The following MDN1 variants were observed in gnomAD, a reference collection of about 807,000 sequenced individuals.
The protein encoded by MDN1 is midasin AAA ATPase 1, also known as midasin.
MDN1 carries 266 observed loss-of-function variants against 669.2 expected under a neutral mutation model. The observed-to-expected ratio is 0.40, with a 90% CI of 0.36 to 0.44. MDN1 has a LOEUF of 0.44. MDN1 is among the 20% of genes least tolerant of loss of function. MDN1 has a pLI of 1.00. For missense variants in MDN1, 5,940 were observed against 6,754.0 expected, an observed-to-expected ratio of 0.88 and a Z score of 4.22; for synonymous variants, 2,385 against 2,457.1, an observed-to-expected ratio of 0.97 and a Z score of 0.87.
chr6:89,701,119 C>G (rs1473324943), intron 55 of MDN1, among the ~76,000 whole-genome samples: 1 of 152,196 alleles, frequency 6.6e-6, no homozygotes, highest in Non-Finnish European at 1.5e-5. Flanking sequence ...AGCCTGCCCT[C>G]TTGTTATGTG....
At chr6:89,678,799 T>G (rs1811412510) in intron 74 of MDN1, 54 bp from the exon 75 acceptor site, 13 of 1,559,886 alleles carry the variant, frequency 8.3e-6, no homozygotes, top group Non-Finnish European at 1.1e-5. Flanking sequence ...CCCAGGGGTC[T>G]GGTAATGTGT....
intron 44 of MDN1, 32 bp from the exon 45 acceptor site, chr6:89,715,801 C>T (rs776613864): frequency 7.2e-7 from 1 of 1,390,682 alleles, no homozygotes; most frequent in Non-Finnish European, 1.0e-6. Flanking sequence ...GGTGGATAGG[C>T]TGACATGCTG....
At chr6:89,810,445 A>C (rs1404520104) in intron 1 of MDN1, among the ~76,000 whole-genome samples, 1 of 152,130 alleles carries the variant, frequency 6.6e-6, no homozygotes, top group Non-Finnish European at 1.5e-5. Flanking sequence ...CAAAAACACA[A>C]AACAAAACAA....
chr6:89,758,722 A>G, intron 18 of MDN1, 94 bp downstream of exon 18: 2 of 1,350,594 alleles, frequency 1.5e-6, no homozygotes, highest in Non-Finnish European at 2.1e-6. Context: ...TGGGAGGCCC[A>G]TGTCATCCTT....
At position 89,692,773 on chromosome 6, in the gene MDN1, G is replaced by A; in HGVS notation, c.10257C>T (p.His3419=). ...HGMRLVASEL[H]TSLHSSMVGA... is the part of the protein sequence containing the mutation. ...CAACCATACTGCTGTGGAGTGAGGT[G>A]TGGAGCTCAGAGGCCACCAGCCTCA... Residue 3419 remains histidine, a synonymous_variant, in exon 63 of 102, where the codon CAC becomes CAT. Coordinates refer to ENST00000369393, the MANE Select transcript of MDN1 (RefSeq NM_014611.3). 6.2e-7 allele frequency: 1 copy of A among 1,614,104 alleles called. No individual in the cohort carries two copies. The highest frequency in any genetic ancestry group is 8.5e-7 in the Non-Finnish European group (1 of 1,179,962).
Position 89,686,936 on chromosome 6 carries a change from C to T in MDN1, c.11538G>A (p.Glu3846=). 1.9e-6 allele frequency: 3 copies of T among 1,613,776 alleles called. No homozygotes were observed. In the African/African-American group the frequency reaches 4.0e-5, roughly 22 times the overall value. ...KHWFSIYQML[E]KHMQEQTEEQ... is the part of the protein sequence containing the mutation. ...CTTCTGTTTGTTCCTGCATGTGCTTCTCAAGCATCTGATAGATGGAGAACC... is the reference window on the plus strand; with the variant it reads ...CTTCTGTTTGTTCCTGCATGTGCTTTTCAAGCATCTGATAGATGGAGAACC... Residue 3846 remains glutamate, a synonymous_variant, in exon 69 of 102, where the codon GAG becomes GAA. Coordinates refer to ENST00000369393, the MANE Select transcript of MDN1 (RefSeq NM_014611.3).
intron 57 of MDN1, 63 bp downstream of exon 57, chr6:89,700,000 G>T: frequency 6.9e-7 from 1 of 1,442,910 alleles, no homozygotes; most frequent in Non-Finnish European, 9.7e-7. Context: ...TATGGGTATA[G>T]GATACACAGA....
Position 89,819,749 on chromosome 6 carries a change from G to T in MDN1, c.-142C>A, listed in dbSNP as rs927361863. 1 of 662,008 alleles carries T rather than the reference G, an allele frequency of 1.5e-6. No homozygotes were observed. The highest frequency in any genetic ancestry group is 2.7e-6 in the Non-Finnish European group (1 of 376,118). 41.0% of individuals were successfully genotyped at this position (662,008 alleles called of 1,614,324 possible). A position where few individuals can be genotyped will look rare whatever the true frequency, so the allele number is the denominator to read the frequency against. On this transcript the variant is annotated 5_prime_UTR_variant, in exon 1 of 102. Transcript: ENST00000369393. ...TCCTCAGCTCCAGCGCCTACACCGGGAGAGGGGCACCACACGTGGGTGAGC... is the reference window on the plus strand; with the variant it reads ...TCCTCAGCTCCAGCGCCTACACCGGTAGAGGGGCACCACACGTGGGTGAGC...
rs759149265 is a variant in MDN1 at position 89,732,685 on chromosome 6, A to G, written c.4814T>C (p.Ile1605Thr). Residue 1605 changes from isoleucine (I) to threonine (T), a missense_variant, in exon 34 of 102, where the codon ATC becomes ACC. Ile to Thr is a moderately conservative substitution (Grantham distance 89). Coordinates refer to ENST00000369393, the MANE Select transcript of MDN1 (RefSeq NM_014611.3). ...GTTCATGAAGTTAACCCAGGACAGG[A>G]TATCTCTGATACTGACCACACACTT... ...GRKCVVSIRD[I>T]LSWVNFMNKM... The G allele has an allele frequency of 6.8e-6, 11 of 1,614,034 alleles. No individual in the cohort carries two copies. The East Asian group carries it at 1.3e-4, about 20-fold the overall frequency.
rs750918046 is a variant in MDN1, at chr6:89,754,269, A to G, written c.2817-39T>C. 24 of 1,594,742 alleles carry G rather than the reference A, an allele frequency of 1.5e-5. No homozygotes were observed. In the African/African-American group the frequency reaches 2.4e-4, roughly 16 times the overall value. On this transcript the variant is annotated intron_variant, in intron 20 of 101. Transcript: ENST00000369393. ...AAAGGTCAGGCAATTTTATTTACTA[A>G]TAAGTATCCAGTATTATCAATTCTC...
intron 31 of MDN1, 72 bp downstream of exon 31, chr6:89,743,078 T>G: frequency 6.4e-7 from 1 of 1,560,846 alleles, no homozygotes; most frequent in Admixed American, 1.8e-5. Flanking sequence ...GTGAGAACAC[T>G]GTCTCAGGGA....
intron 1 of MDN1, among the ~76,000 whole-genome samples, chr6:89,808,279 G>A (rs141874437): frequency 6.6e-6 from 1 of 152,130 alleles, no homozygotes; most frequent in East Asian, 1.9e-4. Flanking sequence ...CGTTGTAGAT[G>A]TGTCTAGATT....
rs1205775171 is a variant in MDN1 at position 89,658,923 on chromosome 6, T to C, written c.14714-6A>G. On this transcript the variant is annotated splice_region_variant and splice_polypyrimidine_tract_variant and intron_variant, in intron 88 of 101. Transcript: ENST00000369393. Reference sequence around the variant, plus strand: ...TATCTCCAAAGGATTCTCTTCTGTATAGATACAACAAAAAGGAGGAGTGCA... The same window carrying C: ...TATCTCCAAAGGATTCTCTTCTGTACAGATACAACAAAAAGGAGGAGTGCA... 2.5e-6 allele frequency: 4 copies of C among 1,581,258 alleles called. 1 individual carries two copies. Among genetic ancestry groups the C allele is most frequent in the South Asian group, 2.3e-5 (2 of 86,276 alleles).
chr6:89,784,752 GT>G (rs149244595), intron 9 of MDN1, among the ~76,000 whole-genome samples: 15,193 of 152,186 alleles, frequency 0.1, 977 homozygotes, highest in South Asian at 0.16. Flanking sequence ...AGGAATTACT[GT>G]TCATTTTATT....
chr6:89,737,784 C>T (rs990204797), intron 33 of MDN1, among the ~76,000 whole-genome samples: 9 of 147,494 alleles, frequency 6.1e-5, no homozygotes, highest in Admixed American at 4.8e-4. Flanking sequence ...AGTGCAATGG[C>T]GCGATCTTGG....
chr6:89,788,873 C>T (rs1819107421), intron 7 of MDN1, among the ~76,000 whole-genome samples: 1 of 152,166 alleles, frequency 6.6e-6, no homozygotes, highest in South Asian at 2.1e-4. Flanking sequence ...CGCCTGTAAT[C>T]CCAGCACTTT....
intron 95 of MDN1, 116 bp from the exon 96 acceptor site, chr6:89,650,963 C>T (rs924764240): frequency 3.2e-5 from 22 of 694,834 alleles, no homozygotes; most frequent in Non-Finnish European, 5.4e-5. Flanking sequence ...ACTTTCTCAA[C>T]AGAAGCACTT....
chr6:89,688,305 G>A, intron 66 of MDN1, 132 bp from the exon 67 acceptor site: 6 of 825,630 alleles, frequency 7.3e-6, no homozygotes, highest in Non-Finnish European at 1.2e-5. Flanking sequence ...AAAAAAAACA[G>A]AGCAACATGG....
At chr6:89,644,335 A>G in intron 101 of MDN1, 142 bp from the exon 102 acceptor site, 5 of 649,358 alleles carry the variant, frequency 7.7e-6, no homozygotes, top group Non-Finnish European at 1.2e-5. Context: ...TTACTAAGTA[A>G]AAGAGAATTT....
Sources: allele counts gnomAD v4.1 joint callset (sites outside exome capture counted in the v4.1 genomes callset), GRCh38; gene constraint gnomAD v4.1.1; transcripts MANE v1.5; gene names NCBI Gene and HGNC (gene_info 2026-07-23, HGNC 2026-07-21).